FBXO28: variants seen among roughly 807,000 people sequenced by gnomAD.
FBXO28 encodes F-box protein 28, also known as F-box only protein 28.
Under a neutral mutation model 38.1 loss-of-function variants are expected in FBXO28, and 8 were observed. The observed-to-expected ratio is 0.21, with a 90% CI of 0.12 to 0.38. FBXO28 has a LOEUF of 0.38. Ranked by LOEUF, FBXO28 falls within the 10% of genes least tolerant of loss-of-function variation. The pLI, the probability that FBXO28 is intolerant of heterozygous loss-of-function variation, is 1.00. For missense variants in FBXO28, 345 were observed against 460.6 expected (o/e 0.75, Z 2.30); for synonymous variants, 168 against 173.8 (o/e 0.97, Z 0.26).
intron 3 of FBXO28, among the ~76,000 whole-genome samples, chr1:224,140,658 T>C (rs774575348): frequency 5.3e-5 from 8 of 152,110 alleles, no homozygotes; most frequent in Non-Finnish European, 1.2e-4. Flanking sequence ...AAAGAGAATA[T>C]AGCAGGCCGG....
intron 2 of FBXO28, among the ~76,000 whole-genome samples, chr1:224,131,918 A>G (rs1420409432): frequency 6.6e-6 from 1 of 152,200 alleles, no homozygotes; most frequent in African/African-American, 2.4e-5. Flanking sequence ...TCCAGATTAT[A>G]TGAGGAACTC....
rs1572027295 is a variant in FBXO28 at position 224,154,379 on chromosome 1, T to C, written c.712+1042T>C. Among the ~76,000 whole-genome samples the C allele has an allele frequency of 3.9e-5, 6 of 152,162 alleles. No individual in the cohort carries two copies. The East Asian group carries it at 9.7e-4, about 24-fold the overall frequency. Reference sequence around the variant, plus strand: ...TCCATACCATTGTAAAGTCAAAAAATCATTAAGTTGGCTGGGCGCGGTGGC... The same window carrying C: ...TCCATACCATTGTAAAGTCAAAAAACCATTAAGTTGGCTGGGCGCGGTGGC... On this transcript the variant is annotated intron_variant, in intron 4 of 4. Transcript: ENST00000366862.
chr1:224,137,596 C>CA (rs1241207263), intron 3 of FBXO28, among the ~76,000 whole-genome samples: 1 of 151,656 alleles, frequency 6.6e-6, no homozygotes, highest in Non-Finnish European at 1.5e-5. Context: ...AAGACAGTAG[C>CA]AATAAAATTT....
At chr1:224,144,542 G>A (rs1326569824) in intron 3 of FBXO28, among the ~76,000 whole-genome samples, 2 of 151,928 alleles carry the variant, frequency 1.3e-5, no homozygotes, top group East Asian at 1.9e-4. Context: ...TGTGGATCAC[G>A]AGGTCAAGAG....
At chr1:224,129,474 T>C (rs1224694292) in intron 1 of FBXO28, among the ~76,000 whole-genome samples, 6 of 152,220 alleles carry the variant, frequency 3.9e-5, no homozygotes, top group African/African-American at 1.4e-4. Flanking sequence ...ATAAACTTTG[T>C]AAGAGGTTAG....
At chr1:224,128,272 G>A (rs1251840285) in intron 1 of FBXO28, among the ~76,000 whole-genome samples, 2 of 148,268 alleles carry the variant, frequency 1.3e-5, no homozygotes, top group East Asian at 2.0e-4. Context: ...TTTTTTAACT[G>A]TCCATGTCTT....
At chr1:224,127,074 A>T (rs4653563) in intron 1 of FBXO28, among the ~76,000 whole-genome samples, 4 of 151,314 alleles carry the variant, frequency 2.6e-5, no homozygotes, top group Non-Finnish European at 2.9e-5. Flanking sequence ...GTGATTATTC[A>T]GGACTGGGGC....
rs1366275587 is a variant in FBXO28 at position 224,159,284 on chromosome 1, C to G, written c.*1538C>G. ...TAAGTACCTTAGTTGAATAAAAGCACAAGGTTATCACCTTTTTTATCCGTC... is the reference window on the plus strand; with the variant it reads ...TAAGTACCTTAGTTGAATAAAAGCAGAAGGTTATCACCTTTTTTATCCGTC... On this transcript the variant is annotated 3_prime_UTR_variant, in exon 5 of 5. Coordinates refer to ENST00000366862, the MANE Select transcript of FBXO28 (RefSeq NM_015176.4). 2 of 152,512 alleles carry G rather than the reference C, an allele frequency of 1.3e-5. No individual in the cohort carries two copies. Among genetic ancestry groups the G allele is most frequent in the Non-Finnish European group, 2.9e-5 (2 of 68,014 alleles). 9.4% of individuals were successfully genotyped at this position (152,512 alleles called of 1,614,324 possible).
At position 224,158,286 on chromosome 1, in the gene FBXO28, T is replaced by C; in HGVS notation, c.*540T>C. 2.2e-6 allele frequency: 2 copies of C among 899,064 alleles called. No individual in the cohort carries two copies. The highest frequency in any genetic ancestry group is 5.1e-5 in the South Asian group (1 of 19,522). The allele number at this position is 899,064 out of a possible 1,614,324, so 55.7% of individuals were successfully genotyped here. Reference sequence around the variant, plus strand: ...GTAACTAAAATGGACTTCCATAGTATTGACTGTAGAAGGAGCCTCTACAAT... The same window carrying C: ...GTAACTAAAATGGACTTCCATAGTACTGACTGTAGAAGGAGCCTCTACAAT... On this transcript the variant is annotated 3_prime_UTR_variant, in exon 5 of 5. Coordinates refer to ENST00000366862, the MANE Select transcript of FBXO28 (RefSeq NM_015176.4).
chr1:224,158,920 C>A lies in FBXO28; in HGVS notation c.*1174C>A, dbSNP rs1657832390. 6.6e-6 allele frequency: 1 copy of A among 152,620 alleles called. No individual in the cohort carries two copies. The highest frequency in any genetic ancestry group is 1.5e-5 in the Non-Finnish European group (1 of 68,034). 9.5% of individuals were successfully genotyped at this position (152,620 alleles called of 1,614,324 possible). ...TTAGTTTCAAGCTTTCCTTACCCTA[C>A]AACTTTAAACAAAAGCTTTAATTTT... On this transcript the variant is annotated 3_prime_UTR_variant, in exon 5 of 5. Transcript: ENST00000366862.
intron 1 of FBXO28, among the ~76,000 whole-genome samples, chr1:224,115,606 A>G (rs758457535): frequency 6.6e-6 from 1 of 152,190 alleles, no homozygotes; most frequent in Non-Finnish European, 1.5e-5. Flanking sequence ...AGTCTGCAGG[A>G]TGGAAAATTT....
intron 3 of FBXO28, among the ~76,000 whole-genome samples, chr1:224,147,727 A>C (rs1437831766): frequency 1.3e-5 from 2 of 151,664 alleles, no homozygotes; most frequent in African/African-American, 4.8e-5. Context: ...TGAAAGGTGT[A>C]GAAACAGCCA....
At position 224,157,799 on chromosome 1, in the gene FBXO28, G is replaced by T; in HGVS notation, c.*53G>T. ...AAGACACAGCTTAGTAGCTTAAGCA[G>T]TTATGCATATCAGGATACTGTGAGC... On this transcript the variant is annotated 3_prime_UTR_variant, in exon 5 of 5. Transcript: ENST00000366862. 2.6e-6 allele frequency: 4 copies of T among 1,538,468 alleles called. No homozygotes were observed. Among genetic ancestry groups the T allele is most frequent in the Non-Finnish European group, 3.5e-6 (4 of 1,148,198 alleles).
intron 3 of FBXO28, among the ~76,000 whole-genome samples, chr1:224,137,915 C>T (rs933090896): frequency 2.0e-5 from 3 of 151,718 alleles, no homozygotes; most frequent in African/African-American, 7.3e-5. Flanking sequence ...AGTCCATTGA[C>T]AGGGGGACTA....
intron 4 of FBXO28, among the ~76,000 whole-genome samples, chr1:224,153,764 T>C (rs147383383): frequency 0.028 from 4,205 of 151,854 alleles, 78 homozygotes; most frequent in Middle Eastern, 0.041. Context: ...CTACTAAAAA[T>C]ACAAAAATGT....
Position 224,114,196 on chromosome 1 carries a change from T to G in FBXO28, c.67T>G (p.Ser23Ala), listed in dbSNP as rs1397733097. 1 of 1,548,514 alleles carries G rather than the reference T, an allele frequency of 6.5e-7. No homozygotes were observed. Among genetic ancestry groups the G allele is most frequent in the Admixed American group, 2.0e-5 (1 of 51,000 alleles). ...CGGCGGCCAAGGCGACGGCGGTTCCTCTTTGGCCTCCGGCTCTACCCAGCG... is the reference window on the plus strand; with the variant it reads ...CGGCGGCCAAGGCGACGGCGGTTCCGCTTTGGCCTCCGGCTCTACCCAGCG... ...GGGGQGDGGS[S>A]LASGSTQRQP... is the part of the protein sequence containing the mutation. Residue 23 changes from serine to alanine, a missense_variant, in exon 1 of 5, where the codon TCT becomes GCT. Physicochemically the swap from Ser to Ala is moderately conservative, Grantham distance 99 (BLOSUM62 1). Around this residue, in one of 6 missense-constraint regions of FBXO28, gnomAD observed 104 missense variants for 82.0 expected, o/e 1.27. Transcript: ENST00000366862.
At chr1:224,120,621 G>C (rs913302816) in intron 1 of FBXO28, among the ~76,000 whole-genome samples, 3 of 152,172 alleles carry the variant, frequency 2.0e-5, no homozygotes, top group Non-Finnish European at 4.4e-5. Flanking sequence ...CCAGCACTTT[G>C]GGAGGCTGAG....
chr1:224,149,094 C>A (rs1157778039), intron 3 of FBXO28, among the ~76,000 whole-genome samples: 1 of 152,020 alleles, frequency 6.6e-6, no homozygotes, highest in Non-Finnish European at 1.5e-5. Flanking sequence ...TTCTGTCTAC[C>A]AGTATTTATA....
At chr1:224,126,347 TA>T (rs1159768897) in intron 1 of FBXO28, among the ~76,000 whole-genome samples, 1 of 152,232 alleles carries the variant, frequency 6.6e-6, no homozygotes, top group African/African-American at 2.4e-5. Flanking sequence ...GTTACAGCAG[TA>T]ATTGACCTTA....
Sources: allele counts gnomAD v4.1 joint callset (sites outside exome capture counted in the v4.1 genomes callset), GRCh38; gene constraint gnomAD v4.1.1; regional missense constraint gnomAD v4.1.1; transcripts MANE v1.5; gene names NCBI Gene and HGNC (gene_info 2026-07-23, HGNC 2026-07-21).